The following CCDC3 variants were observed in gnomAD, a reference collection of about 807,000 sequenced individuals.
The protein encoded by CCDC3 is coiled-coil domain-containing protein 3.
CCDC3 carries 24 observed loss-of-function variants against 21.4 expected under a neutral mutation model. The ratio of observed to expected loss-of-function variants is 1.12; its 90% CI spans 0.81 to 1.58. CCDC3 has a LOEUF of 1.58. CCDC3 is among the 40% of genes most tolerant of loss of function. The probability of loss-of-function intolerance (pLI) is 0.00; values close to 1 mark genes in which losing one functional copy is unlikely to be tolerated. For synonymous variants in CCDC3, 186 were observed against 166.0 expected (o/e 1.12, Z -0.93); for missense variants, 425 against 360.9 (o/e 1.18, Z -1.44).
intron 5 of CCDC3, among the ~76,000 whole-genome samples, chr10:13,038,648 G>C (rs559068604): frequency 1.3e-5 from 2 of 152,228 alleles, no homozygotes; most frequent in Non-Finnish European, 2.9e-5. Context: ...CCTGGCTTCT[G>C]TCTACCCAGC....
chr10:12,983,080 C>A (rs1835526810), intron 2 of CCDC3, among the ~76,000 whole-genome samples: 1 of 146,402 alleles, frequency 6.8e-6, no homozygotes, highest in African/African-American at 2.5e-5. Flanking sequence ...CCACTACACT[C>A]CACCCTGGGT....
chr10:12,927,292 G>C lies in CCDC3; in HGVS notation c.550-28613C>G, dbSNP rs1035152849. Among the ~76,000 whole-genome samples the C allele has an allele frequency of 4.6e-5, 7 of 152,260 alleles. 1 individual carries two copies. The highest frequency in any genetic ancestry group is 1.5e-5 in the Non-Finnish European group (1 of 68,024). On this transcript the variant is annotated intron_variant, in intron 2 of 2. Coordinates refer to ENST00000378825, the MANE Select transcript of CCDC3 (RefSeq NM_031455.4). The stretch of plus-strand genomic sequence containing the variant: ...CTATAGCATTTTTAAGGACATGTCA[G>C]ATACCACCTGTAAATACTTTAGCAC...
chr10:12,944,429 A>G (rs1005887784), intron 2 of CCDC3, among the ~76,000 whole-genome samples: 1 of 152,210 alleles, frequency 6.6e-6, no homozygotes, highest in Non-Finnish European at 1.5e-5. Context: ...CAATCAGGAA[A>G]TGTTTGAATC....
intron 3 of CCDC3, among the ~76,000 whole-genome samples, chr10:13,081,487 G>A (rs938066944): frequency 1.3e-5 from 2 of 152,150 alleles, no homozygotes; most frequent in Non-Finnish European, 2.9e-5. Context: ...TCATACCTGC[G>A]TCAAGAAAGC....
Position 12,960,198 on chromosome 10 carries a change from T to C in CCDC3, c.549+38140A>G, listed in dbSNP as rs116517031. Among the ~76,000 whole-genome samples the C allele has an allele frequency of 8.4e-3, 700 of 83,006 alleles. 6 individuals are homozygous for C. The highest frequency in any genetic ancestry group is 0.028 in the African/African-American group (653 of 23,560). 54.5% of individuals were successfully genotyped at this position (83,006 alleles called of 152,430 possible). On this transcript the variant is annotated intron_variant, in intron 2 of 2. Transcript: ENST00000378825. ...ACACACACACACACACACAAAGGTT[T>C]TCTCAGCATAACTGTACTGTCCTTG...
intron 2 of CCDC3, among the ~76,000 whole-genome samples, chr10:12,923,683 A>G (rs1468653240): frequency 1.3e-5 from 2 of 151,948 alleles, no homozygotes; most frequent in East Asian, 1.9e-4. Flanking sequence ...TTTCACCTCC[A>G]TGCACCAGAA....
chr10:13,049,400 A>G (rs1413108391), intron 5 of CCDC3, among the ~76,000 whole-genome samples: 1 of 152,130 alleles, frequency 6.6e-6, no homozygotes. Flanking sequence ...GCCAATGGCA[A>G]ACAACATGGA....
intron 4 of CCDC3, among the ~76,000 whole-genome samples, chr10:13,063,993 T>C (rs1836793940): frequency 6.7e-6 from 1 of 149,960 alleles, no homozygotes; most frequent in South Asian, 2.2e-4. Context: ...AATGGTGCCA[T>C]CTCGGCTCAC....
At chr10:13,042,724 T>C (rs1052062680) in intron 5 of CCDC3, among the ~76,000 whole-genome samples, 16 of 151,358 alleles carry the variant, frequency 1.1e-4, no homozygotes, top group Non-Finnish European at 2.2e-4. Context: ...CTGGCTAACA[T>C]GGTGAAACCC....
At chr10:12,966,950 T>C (rs1835270660) in intron 2 of CCDC3, among the ~76,000 whole-genome samples, 1 of 152,156 alleles carries the variant, frequency 6.6e-6, no homozygotes, top group African/African-American at 2.4e-5. Context: ...ACCCAGCTAT[T>C]TTAAACGAAC....
chr10:12,921,841 C>A (rs1326184080), intron 2 of CCDC3, among the ~76,000 whole-genome samples: 1 of 152,128 alleles, frequency 6.6e-6, no homozygotes, highest in African/African-American at 2.4e-5. Context: ...CTTCTGGGCT[C>A]AAGTGATCCT....
chr10:12,995,258 T>G (rs1054585877), intron 2 of CCDC3, among the ~76,000 whole-genome samples: 1 of 152,206 alleles, frequency 6.6e-6, no homozygotes, highest in African/African-American at 2.4e-5. Flanking sequence ...TTGCTTTGTT[T>G]TGAGACAGAG....
At chr10:13,049,375 A>G (rs1014579717) in intron 5 of CCDC3, among the ~76,000 whole-genome samples, 9 of 152,086 alleles carry the variant, frequency 5.9e-5, no homozygotes, top group African/African-American at 2.2e-4. Flanking sequence ...ATTCAGAACA[A>G]GTGAATTGGA....
rs957107751 is a variant in CCDC3 at position 12,898,438 on chromosome 10, C to A, written c.791G>T (p.Arg264Leu). 7 of 1,604,592 alleles carry A rather than the reference C, an allele frequency of 4.4e-6. No individual in the cohort carries two copies. The highest frequency in any genetic ancestry group is 6.0e-6 in the Non-Finnish European group (7 of 1,174,258). ...LPHINARGPVRPPYLRG is the reference protein window; with the variant it reads ...LPHINARGPVLPPYLRG ...CCGTTACCCCCGCAGGTAGGGGGGG[C>A]GCACGGGCCCCCGGGCATTGATGTG... is the stretch of plus-strand genomic sequence containing the variant. Residue 264 changes from arginine (R) to leucine (L), a missense_variant, in exon 3 of 3, where the codon CGC becomes CTC. Coordinates refer to ENST00000378825, the MANE Select transcript of CCDC3 (RefSeq NM_031455.4).
chr10:12,912,210 T>A (rs1834280752), intron 2 of CCDC3, among the ~76,000 whole-genome samples: 2 of 152,204 alleles, frequency 1.3e-5, no homozygotes, highest in African/African-American at 4.8e-5. Flanking sequence ...GAAAACTCCA[T>A]ACAGTTTTCC....
intron 5 of CCDC3, among the ~76,000 whole-genome samples, chr10:13,019,768 G>A (rs771710979): frequency 6.6e-6 from 1 of 152,146 alleles, no homozygotes; most frequent in African/African-American, 2.4e-5. Flanking sequence ...GGCCAGGCTG[G>A]GTGGATCACC....
At chr10:12,911,695 A>G (rs2131204656) in intron 2 of CCDC3, among the ~76,000 whole-genome samples, 1 of 152,344 alleles carries the variant, frequency 6.6e-6, no homozygotes, top group South Asian at 2.1e-4. Context: ...TATTTTTAAC[A>G]ATGTTCAAAC....
intron 5 of CCDC3, among the ~76,000 whole-genome samples, chr10:13,041,212 G>A (rs915198551): frequency 6.6e-6 from 1 of 152,066 alleles, no homozygotes; most frequent in Admixed American, 6.6e-5. Flanking sequence ...GGCCCTTTGA[G>A]GTAAGTTGAA....
intron 1 of CCDC3, among the ~76,000 whole-genome samples, chr10:13,000,690 T>G (rs936678273): frequency 1.3e-5 from 2 of 152,176 alleles, no homozygotes; most frequent in Non-Finnish European, 2.9e-5. Context: ...CTGCACCAGG[T>G]GCTTTGCATG....
Sources: allele counts gnomAD v4.1 joint callset (sites outside exome capture counted in the v4.1 genomes callset), GRCh38; gene constraint gnomAD v4.1.1; transcripts MANE v1.5; gene names NCBI Gene and HGNC (gene_info 2026-07-23, HGNC 2026-07-21).